The following PIGB variants were observed in gnomAD, a reference collection of about 807,000 sequenced individuals.
PIGB encodes phosphatidylinositol glycan anchor biosynthesis class B.
In PIGB, 58 loss-of-function variants were observed where a neutral mutation model predicts 68.4. That is an observed-to-expected ratio of 0.85 (90% confidence interval 0.69 to 1.06). PIGB has a LOEUF of 1.06. Ranked by LOEUF, PIGB falls within the 50% of genes least tolerant of loss-of-function variation. The probability of loss-of-function intolerance (pLI) is 0.00; values close to 1 mark genes in which losing one functional copy is unlikely to be tolerated. For missense variants in PIGB, 634 were observed against 655.8 expected, an observed-to-expected ratio of 0.97 and a Z score of 0.36; for synonymous variants, 219 against 220.5, an observed-to-expected ratio of 0.99 and a Z score of 0.06.
intron 9 of PIGB, chr15:55,343,721 T>A (rs1365347846): frequency 6.6e-6 from 1 of 152,172 alleles, no homozygotes; most frequent in East Asian, 1.9e-4. Context: ...TCTTCCATCC[T>A]CTGTCTACTT....
At chr15:55,347,946 AC>A in intron 9 of PIGB, among the ~76,000 whole-genome samples, 1 of 145,014 alleles carries the variant, frequency 6.9e-6, no homozygotes, top group Middle Eastern at 3.7e-3. Context: ...ATTTTGTGTC[AC>A]CCACCTATAC....
intron 3 of PIGB, among the ~76,000 whole-genome samples, chr15:55,324,627 T>C (rs1289925087): frequency 6.6e-6 from 1 of 152,214 alleles, no homozygotes; most frequent in Non-Finnish European, 1.5e-5. Flanking sequence ...GACACAATAA[T>C]GAAGGCAGAG....
At position 55,340,608 on chromosome 15, in the gene PIGB, C is replaced by G; in HGVS notation, c.847-4C>G. ...TCTATTTATTTTTCCTTCAACGGTG[C>G]CAGTGGACTCTGGTTCAATTTAATT... On this transcript the variant is annotated splice_region_variant and splice_polypyrimidine_tract_variant and intron_variant, in intron 7 of 11. Coordinates refer to ENST00000164305, the MANE Select transcript of PIGB (RefSeq NM_004855.5). 1.3e-6 allele frequency: 2 copies of G among 1,599,740 alleles called. No homozygotes were observed. The highest frequency in any genetic ancestry group is 1.7e-6 in the Non-Finnish European group (2 of 1,170,496).
At chr15:55,354,498 A>C (rs2056024218) in intron 10 of PIGB, 1 of 265,492 alleles carries the variant, frequency 3.8e-6, no homozygotes, top group Non-Finnish European at 6.9e-6. Context: ...TCCGGAACAG[A>C]ATACCAATGC....
At position 55,340,717 on chromosome 15, in the gene PIGB, G is replaced by T; in HGVS notation, c.952G>T (p.Val318Phe). Residue 318 changes from valine to phenylalanine, a missense_variant, in exon 8 of 12, where the codon GTT becomes TTT. Transcript: ENST00000164305. Reference sequence around the variant, plus strand: ...CTGGTACTTCAGTCAAGGATTTCCAGTTATCTTGGGTACTCACTTACCCTT... The same window carrying T: ...CTGGTACTTCAGTCAAGGATTTCCATTTATCTTGGGTACTCACTTACCCTT... Reference protein sequence around the residue: ...WHWYFSQGFPVILGTHLPFFI... With the variant: ...WHWYFSQGFPFILGTHLPFFI... 1 of 1,611,372 alleles carries T rather than the reference G, an allele frequency of 6.2e-7. No individual in the cohort carries two copies. Among genetic ancestry groups the T allele is most frequent in the South Asian group, 1.1e-5 (1 of 90,514 alleles).
chr15:55,326,870 T>C (rs1247510051), intron 3 of PIGB, among the ~76,000 whole-genome samples: 8 of 151,460 alleles, frequency 5.3e-5, no homozygotes, highest in Admixed American at 4.6e-4. Context: ...CTTAACACAA[T>C]TAAATGACTG....
Position 55,350,848 on chromosome 15 carries a change from A to C in PIGB, c.1273A>C (p.Asn425His). The C allele has an allele frequency of 6.2e-7, 1 of 1,609,916 alleles. No individual in the cohort carries two copies. Among genetic ancestry groups the C allele is most frequent in the African/African-American group, 1.3e-5 (1 of 74,962 alleles). Residue 425 changes from asparagine (N) to histidine (H), a missense_variant, in exon 10 of 12, where the codon AAT becomes CAT. Physicochemically the swap from Asn to His is moderately conservative, Grantham distance 68. Coordinates refer to ENST00000164305, the MANE Select transcript of PIGB (RefSeq NM_004855.5). ...MSHIQKVCYN[N>H]PNKSSASIFI... ...TCATATTCAAAAAGTTTGTTACAAC[A>C]ATCCCAATAAATCTTCAGCTTCAAT...
intron 9 of PIGB, chr15:55,343,094 T>G (rs1272469775): frequency 2.0e-5 from 3 of 152,140 alleles, no homozygotes; most frequent in Non-Finnish European, 4.4e-5. Context: ...CTCCTACAGA[T>G]CTGAGATGTA....
At chr15:55,338,413 A>G (rs1021772450) in intron 6 of PIGB, among the ~76,000 whole-genome samples, 16 of 152,160 alleles carry the variant, frequency 1.1e-4, no homozygotes, top group Non-Finnish European at 1.5e-4. Flanking sequence ...TGGGAGGCCA[A>G]TGGGGAAGTA....
chr15:55,336,421 C>T (rs1301879126), intron 6 of PIGB, among the ~76,000 whole-genome samples: 1 of 151,914 alleles, frequency 6.6e-6, no homozygotes, highest in Non-Finnish European at 1.5e-5. Context: ...AAATATTCTA[C>T]GTCAAAAATG....
intron 6 of PIGB, among the ~76,000 whole-genome samples, chr15:55,338,743 A>C (rs2141195430): frequency 6.6e-6 from 1 of 152,306 alleles, no homozygotes; most frequent in African/African-American, 2.4e-5. Flanking sequence ...GGGTTAAGCC[A>C]GTTAATTATG....
chr15:55,353,197 CAAGA>C (rs1291928844), intron 10 of PIGB, among the ~76,000 whole-genome samples: 3 of 152,154 alleles, frequency 2.0e-5, no homozygotes. Flanking sequence ...TCAAAGCACA[CAAGA>C]GAGGAAAGTC....
In PIGB at chr15:55,342,975, G is replaced by C. The variant is rs202099654; in HGVS notation, c.1123+1173G>C. Reference sequence around the variant, plus strand: ...GAGAGAAGAAATGACTAGCCAACTGGAACTGGAGGCTGGAAAAAACCTAGG... The same window carrying C: ...GAGAGAAGAAATGACTAGCCAACTGCAACTGGAGGCTGGAAAAAACCTAGG... On this transcript the variant is annotated intron_variant, in intron 9 of 11. Coordinates refer to ENST00000164305, the MANE Select transcript of PIGB (RefSeq NM_004855.5). Among the ~76,000 whole-genome samples the C allele has an allele frequency of 1.1e-4, 17 of 151,920 alleles. No individual in the cohort carries two copies. The East Asian group carries it at 3.3e-3, about 29-fold the overall frequency.
In PIGB at chr15:55,324,417, A is replaced by T. The variant is rs73415548; in HGVS notation, c.417+3027A>T. 4.1e-3 allele frequency among the ~76,000 whole-genome samples: 622 copies of T among 152,308 alleles called. 1 individual carries two copies. Among genetic ancestry groups the T allele is most frequent in the African/African-American group, 0.014 (584 of 41,558 alleles). On this transcript the variant is annotated intron_variant, in intron 3 of 11. Coordinates refer to ENST00000164305, the MANE Select transcript of PIGB (RefSeq NM_004855.5). ...CAAAAATCTGGAGAAACTGCTAATG[A>T]CTGGGAGTTCAGAACTCCGCTTATT...
intron 4 of PIGB, among the ~76,000 whole-genome samples, 175 bp from the exon 5 acceptor site, chr15:55,329,549 T>C (rs1031420295): frequency 6.6e-6 from 1 of 152,238 alleles, no homozygotes; most frequent in Non-Finnish European, 1.5e-5. Context: ...ATCATAAACC[T>C]GTGTTTCATG....
In PIGB at chr15:55,319,631, C is replaced by A. The variant is rs1209010039; in HGVS notation, c.163+218C>A. On this transcript the variant is annotated intron_variant, in intron 1 of 11. Coordinates refer to ENST00000164305, the MANE Select transcript of PIGB (RefSeq NM_004855.5). ...TAAAAAATACTCTGTATTTGGCCGA[C>A]AGGCTGTCCATTTGTGGTCAAGAGC... The A allele has an allele frequency of 2.7e-5, 12 of 439,892 alleles. No homozygotes were observed. The Admixed American group carries it at 3.5e-4, about 13-fold the overall frequency. The allele number at this position is 439,892 out of a possible 1,614,324, so 27.2% of individuals were successfully genotyped here.
At chr15:55,320,172 A>T in intron 1 of PIGB, 103 bp from the exon 2 acceptor site, 1 of 1,050,712 alleles carries the variant, frequency 9.5e-7, no homozygotes, top group Non-Finnish European at 1.4e-6. Context: ...AGAGGTCACT[A>T]CTGTGCCTTA....
chr15:55,320,109 T>C, intron 1 of PIGB, 166 bp from the exon 2 acceptor site: 1 of 476,356 alleles, frequency 2.1e-6, no homozygotes, highest in Non-Finnish European at 3.7e-6. Flanking sequence ...GTGATGACGC[T>C]GTGGTGCTTG....
At chr15:55,351,368 A>C (rs924493199) in intron 10 of PIGB, among the ~76,000 whole-genome samples, 1 of 151,710 alleles carries the variant, frequency 6.6e-6, no homozygotes, top group African/African-American at 2.4e-5. Context: ...TGGCCTCCCA[A>C]AGTGCGGGGA....
Sources: gnomAD v4.1 joint callset for allele counts (sites outside exome capture counted in the v4.1 genomes callset) on GRCh38, gnomAD v4.1.1 for gene constraint, MANE v1.5 for transcripts, NCBI Gene and HGNC (gene_info 2026-07-23, HGNC 2026-07-21) for gene names.